Variants in USP7 observed in about 807,000 individuals in gnomAD.
The protein encoded by USP7 is ubiquitin C-terminal hydrolase 7.
A neutral mutation model predicts 162.9 loss-of-function variants in USP7; 9 were observed. The observed-to-expected ratio is 0.06, with a 90% CI of 0.03 to 0.10. The LOEUF is 0.10. Among genes scored for constraint, USP7 ranks in the 10% least tolerant of loss-of-function variants. USP7 has a pLI of 1.00. For synonymous variants in USP7, 562 were observed against 475.9 expected (o/e 1.18, Z -2.35); for missense variants, 715 against 1,373.7 (o/e 0.52, Z 7.58).
intron 6 of USP7, among the ~76,000 whole-genome samples, chr16:8,917,439 C>T (rs1472558632): frequency 1.3e-5 from 2 of 152,188 alleles, no homozygotes; most frequent in Admixed American, 6.5e-5. Context: ...AGTGCAGTGG[C>T]GCGACCTCAG....
Position 8,898,355 on chromosome 16 carries a change from C to T in USP7, c.2718+5G>A, listed in dbSNP as rs1229647499. 8.1e-6 allele frequency: 13 copies of T among 1,600,088 alleles called. No homozygotes were observed. Among genetic ancestry groups the T allele is most frequent in the Non-Finnish European group, 1.0e-5 (12 of 1,175,204 alleles). ...ATTAAAATTCATAGTATTAAAAAAA[C>T]TTACCTCTTCCCTAAATTGGCTGTT... On this transcript the variant is annotated splice_donor_5th_base_variant and intron_variant, in intron 25 of 30. Coordinates refer to ENST00000344836, the MANE Select transcript of USP7 (RefSeq NM_003470.3).
intron 28 of USP7, 65 bp from the exon 29 acceptor site, chr16:8,894,920 C>A: frequency 6.2e-7 from 1 of 1,613,460 alleles, no homozygotes; most frequent in East Asian, 2.2e-5. Flanking sequence ...CGTCACGTGG[C>A]AGCCGCCAAA....
intron 16 of USP7, among the ~76,000 whole-genome samples, chr16:8,902,839 G>A (rs572528408): frequency 2.0e-5 from 3 of 152,114 alleles, no homozygotes; most frequent in South Asian, 4.2e-4. Flanking sequence ...AGTGAGCCAA[G>A]ATCGCGCCAC....
intron 1 of USP7, among the ~76,000 whole-genome samples, chr16:8,947,779 T>TCCA (rs1195786780): frequency 2.6e-5 from 4 of 152,174 alleles, no homozygotes; most frequent in Non-Finnish European, 5.9e-5. Context: ...ACTTAGCTAT[T>TCCA]CCAGATGTGG....
rs150999771 is a variant in USP7, at chr16:8,941,008, G to A, written c.80-10611C>T. Among the ~76,000 whole-genome samples the A allele has an allele frequency of 6.6e-3, 998 of 152,214 alleles. 8 individuals carry two copies. The highest frequency in any genetic ancestry group is 0.012 in the Admixed American group (191 of 15,296). On this transcript the variant is annotated intron_variant, in intron 1 of 30. Coordinates refer to ENST00000344836, the MANE Select transcript of USP7 (RefSeq NM_003470.3). ...CTCCCACTCCAGGACCCTTCTTCTC[G>A]TCCAGCACTCAGGGACTCAAGGTTC...
chr16:8,895,070 G>C lies in USP7; in HGVS notation c.3000C>G (p.Phe1000Leu). Residue 1000 changes from phenylalanine to leucine, a missense_variant, in exon 28 of 31, where the codon TTC becomes TTG. Phe to Leu is a conservative substitution (Grantham distance 22, BLOSUM62 0). Transcript: ENST00000344836. Reference protein sequence around the residue: ...VTVAHFHKEVFGTFGIPFLLR... With the variant: ...VTVAHFHKEVLGTFGIPFLLR... The stretch of plus-strand genomic sequence containing the variant: ...GCAAAAACGGGATTCCGAACGTTCC[G>C]AAGACCTCTTTGTGGAAATGCGCCA... 1 of 1,614,198 alleles carries C rather than the reference G, an allele frequency of 6.2e-7. No homozygotes were observed. The highest frequency in any genetic ancestry group is 8.5e-7 in the Non-Finnish European group (1 of 1,180,038).
intron 1 of USP7, among the ~76,000 whole-genome samples, chr16:8,955,060 T>A (rs763404307): frequency 1.3e-5 from 2 of 152,248 alleles, no homozygotes; most frequent in Non-Finnish European, 2.9e-5. Flanking sequence ...TGTGGACCAG[T>A]CACTATTAAT....
intron 1 of USP7, chr16:8,962,401 T>A (rs535807459): frequency 3.1e-6 from 1 of 327,672 alleles, no homozygotes; most frequent in Non-Finnish European, 6.6e-6. Flanking sequence ...CATCCAACCT[T>A]TACAACCAAG....
rs2061616452 is a variant in USP7 at position 8,892,634 on chromosome 16, CAA to C, written c.*1362_*1363del. 8.1e-6 allele frequency: 1 copy of C among 122,942 alleles called. No individual in the cohort carries two copies. The highest frequency in any genetic ancestry group is 2.6e-4 in the South Asian group (1 of 3,828). 7.6% of individuals were successfully genotyped at this position (122,942 alleles called of 1,614,324 possible). A position where few individuals can be genotyped will look rare whatever the true frequency, so the allele number is the denominator to read the frequency against. On this transcript the variant is annotated 3_prime_UTR_variant, in exon 31 of 31. Coordinates refer to ENST00000344836, the MANE Select transcript of USP7 (RefSeq NM_003470.3). ...AAAAAAAAAAAAAAAAAAAAAGAAA[CAA>C]GAGACCCTGCCCCCGCAAAACGGAA...
chr16:8,930,485 C>A, intron 1 of USP7, 88 bp from the exon 2 acceptor site: 2 of 851,802 alleles, frequency 2.3e-6, no homozygotes, highest in Non-Finnish European at 3.5e-6. Context: ...TTTGATGTTG[C>A]CTAATCATTA....
chr16:8,923,434 C>G (rs1302317028), intron 2 of USP7, 21 bp from the exon 3 acceptor site: 8 of 1,612,942 alleles, frequency 5.0e-6, no homozygotes, highest in Non-Finnish European at 5.9e-6. Context: ...AACACATCAT[C>G]AGTCACAGAG....
At position 8,916,403 on chromosome 16, in the gene USP7, ATTTTC is replaced by A; in HGVS notation, c.906+94_906+98del. 3.7e-6 allele frequency: 5 copies of A among 1,342,890 alleles called. No individual in the cohort carries two copies. In the South Asian group the frequency reaches 5.6e-5, roughly 15 times the overall value. 83.2% of individuals were successfully genotyped at this position (1,342,890 alleles called of 1,614,324 possible). A position where few individuals can be genotyped will look rare whatever the true frequency, so the allele number is the denominator to read the frequency against. ...AGTCTGATCCTAAACAAAGATGGGC[ATTTTC>A]TGAATTAGGTCTGAGGTTTTACTTG... On this transcript the variant is annotated intron_variant, in intron 8 of 30. Coordinates refer to ENST00000344836, the MANE Select transcript of USP7 (RefSeq NM_003470.3).
rs1277835552 is a variant in USP7, at chr16:8,930,470, A to G, written c.80-73T>C. The G allele has an allele frequency of 9.4e-6, 10 of 1,061,876 alleles. No homozygotes were observed. In the African/African-American group the frequency reaches 1.6e-4, roughly 17 times the overall value. The allele number at this position is 1,061,876 out of a possible 1,614,324, so 65.8% of individuals were successfully genotyped here. A position where few individuals can be genotyped will look rare whatever the true frequency, so the allele number is the denominator to read the frequency against. ...AATAGAATAAGCAAAATATAAACTT[A>G]TACTTTTGATGTTGCCTAATCATTA... On this transcript the variant is annotated intron_variant, in intron 1 of 30. Coordinates refer to ENST00000344836, the MANE Select transcript of USP7 (RefSeq NM_003470.3).
At chr16:8,898,142 C>A (rs1273365467) in intron 25 of USP7, among the ~76,000 whole-genome samples, 1 of 152,082 alleles carries the variant, frequency 6.6e-6, no homozygotes, top group Non-Finnish European at 1.5e-5. Context: ...GGTTGGCTGC[C>A]GAATGGTTCC....
chr16:8,893,172 G>C lies in USP7; in HGVS notation c.*826C>G, dbSNP rs2061626652. 6.6e-6 allele frequency: 1 copy of C among 151,854 alleles called. No individual in the cohort carries two copies. Among genetic ancestry groups the C allele is most frequent in the African/African-American group, 2.4e-5 (1 of 41,280 alleles). 9.4% of individuals were successfully genotyped at this position (151,854 alleles called of 1,614,324 possible). ...AAAGTCGACAGCTTACTAACCACTAGTGAGCATGCCCTCTTGCTAAAAGGC... is the reference window on the plus strand; with the variant it reads ...AAAGTCGACAGCTTACTAACCACTACTGAGCATGCCCTCTTGCTAAAAGGC... On this transcript the variant is annotated 3_prime_UTR_variant, in exon 31 of 31. Coordinates refer to ENST00000344836, the MANE Select transcript of USP7 (RefSeq NM_003470.3).
rs1371861843 is a variant in USP7, at chr16:8,893,939, C to T, written c.*59G>A. On this transcript the variant is annotated 3_prime_UTR_variant, in exon 31 of 31. Coordinates refer to ENST00000344836, the MANE Select transcript of USP7 (RefSeq NM_003470.3). Reference sequence around the variant, plus strand: ...GCTAGAGGGCACGTGCACCAAAGTTCTAGGCTGTTAAGGGGCCACCCACAC... The same window carrying T: ...GCTAGAGGGCACGTGCACCAAAGTTTTAGGCTGTTAAGGGGCCACCCACAC... 3 of 1,505,702 alleles carry T rather than the reference C, an allele frequency of 2.0e-6. No individual in the cohort carries two copies. The highest frequency in any genetic ancestry group is 2.3e-5 in the East Asian group (1 of 44,366). The allele number at this position is 1,505,702 out of a possible 1,614,324, so 93.3% of individuals were successfully genotyped here.
intron 15 of USP7, among the ~76,000 whole-genome samples, chr16:8,903,850 A>G (rs1315478602): frequency 2.0e-5 from 3 of 150,286 alleles, no homozygotes; most frequent in Non-Finnish European, 3.0e-5. Flanking sequence ...CTGGGCAACA[A>G]GAGTGAAACT....
intron 1 of USP7, among the ~76,000 whole-genome samples, chr16:8,944,536 G>GT (rs1362392401): frequency 1.3e-5 from 2 of 152,232 alleles, no homozygotes; most frequent in African/African-American, 4.8e-5. Flanking sequence ...TTGTGCTAAT[G>GT]TAAGTCCTTT....
At chr16:8,905,042 C>T in intron 14 of USP7, 145 bp downstream of exon 14, 1 of 958,014 alleles carries the variant, frequency 1.0e-6, no homozygotes, top group Non-Finnish European at 1.6e-6. Context: ...AACGCGCAAG[C>T]CCAACCCTGC....
Sources: gnomAD v4.1 joint callset for allele counts (sites outside exome capture counted in the v4.1 genomes callset) on GRCh38, gnomAD v4.1.1 for gene constraint, MANE v1.5 for transcripts, NCBI Gene and HGNC (gene_info 2026-07-23, HGNC 2026-07-21) for gene names.